The following TMPRSS11D variants were observed in gnomAD, a reference collection of about 807,000 sequenced individuals.
TMPRSS11D encodes the protein transmembrane protease serine 11D.
In TMPRSS11D, 32 loss-of-function variants were observed where a neutral mutation model predicts 44.4. The ratio of observed to expected loss-of-function variants is 0.72; its 90% CI spans 0.54 to 0.97. TMPRSS11D has a LOEUF of 0.97. TMPRSS11D is among the 50% of genes least tolerant of loss of function. The pLI is 0.00. For missense variants in TMPRSS11D, 446 were observed against 502.6 expected, an observed-to-expected ratio of 0.89 and a Z score of 1.08; for synonymous variants, 179 against 177.9, an observed-to-expected ratio of 1.01 and a Z score of -0.05.
intron 6 of TMPRSS11D, 92 bp downstream of exon 6, chr4:67,834,991 G>T: frequency 8.7e-7 from 1 of 1,149,266 alleles, no homozygotes; most frequent in Non-Finnish European, 1.3e-6. Context: ...CAACTTGATA[G>T]ATACTGCCTT....
At chr4:67,844,083 G>T (rs1217566357) in intron 3 of TMPRSS11D, among the ~76,000 whole-genome samples, 3 of 151,960 alleles carry the variant, frequency 2.0e-5, no homozygotes, top group Non-Finnish European at 4.4e-5. Flanking sequence ...TGAGATGCAG[G>T]GTCAGATGTA....
intron 3 of TMPRSS11D, among the ~76,000 whole-genome samples, chr4:67,843,195 T>G (rs1372143617): frequency 6.6e-6 from 1 of 151,912 alleles, no homozygotes; most frequent in Non-Finnish European, 1.5e-5. Flanking sequence ...TCTTTTTTAT[T>G]TTTTAGAAAT....
intron 1 of TMPRSS11D, among the ~76,000 whole-genome samples, chr4:67,864,739 T>C (rs144844628): frequency 3.3e-5 from 5 of 151,990 alleles, no homozygotes; most frequent in African/African-American, 1.2e-4. Flanking sequence ...TTATATCAGA[T>C]AAAACAAGGT....
intron 3 of TMPRSS11D, among the ~76,000 whole-genome samples, chr4:67,851,105 G>C (rs190562021): frequency 2.3e-4 from 35 of 152,280 alleles, no homozygotes; most frequent in Non-Finnish European, 3.7e-4. Flanking sequence ...ATGTACCGAA[G>C]CGGGAGCTGG....
chr4:67,855,045 C>T (rs999854057), intron 2 of TMPRSS11D, among the ~76,000 whole-genome samples: 1 of 151,860 alleles, frequency 6.6e-6, no homozygotes, highest in Non-Finnish European at 1.5e-5. Flanking sequence ...TCACGAGGTC[C>T]GGAGTTCGAG....
At chr4:67,880,242 G>A (rs991739887) in intron 1 of TMPRSS11D, among the ~76,000 whole-genome samples, 3 of 152,054 alleles carry the variant, frequency 2.0e-5, no homozygotes, top group African/African-American at 7.2e-5. Flanking sequence ...CGTACCAAGA[G>A]GTTCACTTTT....
intron 4 of TMPRSS11D, among the ~76,000 whole-genome samples, chr4:67,840,263 G>A (rs1259975834): frequency 1.3e-5 from 2 of 152,044 alleles, no homozygotes; most frequent in African/African-American, 2.4e-5. Flanking sequence ...TTACAATCAT[G>A]GCAGAAGGGG....
intron 9 of TMPRSS11D, among the ~76,000 whole-genome samples, chr4:67,824,763 T>C (rs889211870): frequency 3.9e-5 from 6 of 152,118 alleles, no homozygotes; most frequent in African/African-American, 1.4e-4. Flanking sequence ...AGAATAATTC[T>C]TATCCTTCTG....
At chr4:67,822,781 G>A (rs749340054) in intron 9 of TMPRSS11D, among the ~76,000 whole-genome samples, 8 of 152,072 alleles carry the variant, frequency 5.3e-5, no homozygotes, top group Non-Finnish European at 1.0e-4. Context: ...TCTCTCCTTC[G>A]GGAAAACTTC....
intron 4 of TMPRSS11D, among the ~76,000 whole-genome samples, chr4:67,841,206 A>T (rs998424852): frequency 7.2e-5 from 11 of 152,140 alleles, no homozygotes; most frequent in African/African-American, 2.7e-4. Flanking sequence ...CTTTGAGAGC[A>T]CTCAGCATAT....
intron 2 of TMPRSS11D, among the ~76,000 whole-genome samples, chr4:67,857,639 A>G (rs1409571028): frequency 4.6e-5 from 7 of 152,110 alleles, no homozygotes; most frequent in African/African-American, 1.7e-4. Flanking sequence ...GTTCTAACTC[A>G]TATGTGGGAG....
Position 67,869,677 on chromosome 4 carries a change from A to G in TMPRSS11D, c.9-9999T>C, listed in dbSNP as rs185564698. ...TGTACTTCATTTACTAGCATATGCTAATTCTTCAAGAGTTACTAATAATGA... is the reference window on the plus strand; with the variant it reads ...TGTACTTCATTTACTAGCATATGCTGATTCTTCAAGAGTTACTAATAATGA... On this transcript the variant is annotated intron_variant, in intron 1 of 9. Coordinates refer to ENST00000283916, the MANE Select transcript of TMPRSS11D (RefSeq NM_004262.3). Among the ~76,000 whole-genome samples, 7 of 152,334 alleles carry G rather than the reference A, an allele frequency of 4.6e-5. No individual in the cohort carries two copies. In the East Asian group the frequency reaches 1.4e-3, roughly 29 times the overall value.
chr4:67,866,803 A>G lies in TMPRSS11D; in HGVS notation c.9-7125T>C, dbSNP rs533161493. Among the ~76,000 whole-genome samples, 3 of 152,132 alleles carry G rather than the reference A, an allele frequency of 2.0e-5. No homozygotes were observed. The South Asian group carries it at 6.2e-4, about 32-fold the overall frequency. ...GAAGTAAAAGATCTCTACAAGGAAA[A>G]TTAAAAAACACTGATAAAAGAAATG... On this transcript the variant is annotated intron_variant, in intron 1 of 9. Transcript: ENST00000283916.
At chr4:67,881,550 T>A (rs1719321124) in intron 1 of TMPRSS11D, among the ~76,000 whole-genome samples, 1 of 152,218 alleles carries the variant, frequency 6.6e-6, no homozygotes, top group South Asian at 2.1e-4. Context: ...ACCTGCCTAA[T>A]TTCTATGAAG....
chr4:67,856,835 C>A (rs1232432198), intron 2 of TMPRSS11D, among the ~76,000 whole-genome samples: 1 of 152,006 alleles, frequency 6.6e-6, no homozygotes, highest in Admixed American at 6.6e-5. Flanking sequence ...CATGAGCGAA[C>A]AGTTCTCAAA....
At chr4:67,826,815 A>G (rs1256826147) in intron 8 of TMPRSS11D, among the ~76,000 whole-genome samples, 1 of 151,684 alleles carries the variant, frequency 6.6e-6, no homozygotes, top group African/African-American at 2.4e-5. Flanking sequence ...AATTCTAGCT[A>G]CTTGGGAGGC....
At chr4:67,837,770 C>G (rs1718130547) in intron 5 of TMPRSS11D, among the ~76,000 whole-genome samples, 2 of 151,592 alleles carry the variant, frequency 1.3e-5, no homozygotes, top group Admixed American at 1.3e-4. Flanking sequence ...ACACAGATAA[C>G]TTTGTAATTT....
intron 1 of TMPRSS11D, among the ~76,000 whole-genome samples, chr4:67,870,569 C>T (rs548069720): frequency 6.6e-5 from 10 of 152,264 alleles, no homozygotes; most frequent in Admixed American, 4.6e-4. Flanking sequence ...AATCCCAGCA[C>T]TTGGGGAGGC....
At chr4:67,857,271 GTATATATATATATATATATATA>G (rs1214467886) in intron 2 of TMPRSS11D, among the ~76,000 whole-genome samples, 3 of 70,050 alleles carry the variant, frequency 4.3e-5, no homozygotes, top group African/African-American at 1.9e-4. Context: ...AGAAAATATG[GTATATATATATATATATATATA>G]TATATATATA....
Sources: allele counts gnomAD v4.1 joint callset (sites outside exome capture counted in the v4.1 genomes callset), GRCh38; gene constraint gnomAD v4.1.1; transcripts MANE v1.5; gene names NCBI Gene and HGNC (gene_info 2026-07-23, HGNC 2026-07-21).